The following NRG3 variants were observed in gnomAD, a reference collection of about 807,000 sequenced individuals.
NRG3 encodes the protein pro-neuregulin-3, membrane-bound isoform.
NRG3 carries 31 observed loss-of-function variants against 66.9 expected under a neutral mutation model. That is an observed-to-expected ratio of 0.46 (90% CI 0.35 to 0.63). The LOEUF (loss-of-function observed/expected upper bound fraction) is 0.63. Ranked by LOEUF, NRG3 falls within the 20% of genes least tolerant of loss-of-function variation. The probability of loss-of-function intolerance (pLI) is 0.00; values close to 1 mark genes in which losing one functional copy is unlikely to be tolerated. For missense variants in NRG3, 910 were observed against 878.9 expected (o/e 1.04, Z -0.45); for synonymous variants, 393 against 359.4 (o/e 1.09, Z -1.06).
chr10:82,879,639 A>AT (rs1214019150), intron 4 of NRG3, among the ~76,000 whole-genome samples: 5 of 151,730 alleles, frequency 3.3e-5, no homozygotes, highest in African/African-American at 7.3e-5. Flanking sequence ...CACCCGGCTA[A>AT]TTTTTTTCGT....
At chr10:82,387,573 T>C (rs1019663199) in intron 2 of NRG3, among the ~76,000 whole-genome samples, 5 of 152,162 alleles carry the variant, frequency 3.3e-5, no homozygotes, top group African/African-American at 1.2e-4. Context: ...AACATGTAAA[T>C]TTAATACTTT....
At chr10:82,216,817 A>G (rs2075713537) in intron 1 of NRG3, among the ~76,000 whole-genome samples, 1 of 152,140 alleles carries the variant, frequency 6.6e-6, no homozygotes. Flanking sequence ...TTGGAATCAC[A>G]TTACTTTTTA....
chr10:82,879,467 C>CTTTTTTTT (rs201614818), intron 4 of NRG3, among the ~76,000 whole-genome samples: 5 of 121,856 alleles, frequency 4.1e-5, no homozygotes, highest in African/African-American at 1.3e-4. Flanking sequence ...CTAATGAAGA[C>CTTTTTTTT]TTTTTTTTTT....
At chr10:81,948,169 T>C (rs1478030412) in intron 1 of NRG3, among the ~76,000 whole-genome samples, 1 of 152,186 alleles carries the variant, frequency 6.6e-6, no homozygotes, top group African/African-American at 2.4e-5. Flanking sequence ...TGAAAGTTGT[T>C]GTTTATGTTG....
chr10:82,588,833 C>T (rs2046826057), intron 2 of NRG3, among the ~76,000 whole-genome samples: 6 of 152,154 alleles, frequency 3.9e-5, no homozygotes, highest in Admixed American at 3.9e-4. Flanking sequence ...TACCCATCCT[C>T]AGGTATTTCT....
chr10:81,963,981 T>C (rs1230166264), intron 1 of NRG3, among the ~76,000 whole-genome samples: 1 of 152,200 alleles, frequency 6.6e-6, no homozygotes, highest in Non-Finnish European at 1.5e-5. Context: ...GCTGATTATT[T>C]TAATCGTACA....
Position 82,479,998 on chromosome 10 carries a change from A to C in NRG3, c.953+121130A>C, listed in dbSNP as rs563312901. ...CAAAAACAAAAACAAAAACAAACAAAAAAACCTTACCATTTAAAAAACGTG... is the reference window on the plus strand; with the variant it reads ...CAAAAACAAAAACAAAAACAAACAACAAAACCTTACCATTTAAAAAACGTG... On this transcript the variant is annotated intron_variant, in intron 2 of 8. Coordinates refer to ENST00000372141, the MANE Select transcript of NRG3 (RefSeq NM_001010848.4). Among the ~76,000 whole-genome samples, 4 of 152,264 alleles carry C rather than the reference A, an allele frequency of 2.6e-5. No individual in the cohort carries two copies. In the East Asian group the frequency reaches 7.7e-4, roughly 29 times the overall value.
intron 2 of NRG3, among the ~76,000 whole-genome samples, chr10:82,547,975 C>A (rs1281853550): frequency 6.9e-6 from 1 of 145,920 alleles, no homozygotes; most frequent in Non-Finnish European, 1.5e-5. Flanking sequence ...TAGTGTGGTA[C>A]AGGAAAGAAG....
chr10:82,391,959 T>C (rs1294235012), intron 2 of NRG3, among the ~76,000 whole-genome samples: 3 of 130,164 alleles, frequency 2.3e-5, no homozygotes, highest in Non-Finnish European at 3.1e-5. Context: ...TCATCAGTAG[T>C]GCTGCCAAAG....
At chr10:82,086,126 T>A (rs992242519) in intron 1 of NRG3, among the ~76,000 whole-genome samples, 2 of 149,984 alleles carry the variant, frequency 1.3e-5, no homozygotes, top group African/African-American at 4.9e-5. Flanking sequence ...CAAAAAAAAA[T>A]CTAACCTGAA....
At chr10:82,274,554 G>T (rs990365621) in intron 1 of NRG3, among the ~76,000 whole-genome samples, 3 of 151,978 alleles carry the variant, frequency 2.0e-5, no homozygotes, top group South Asian at 2.1e-4. Context: ...ATGATGAGAA[G>T]TGTAAGTTAC....
chr10:81,932,080 G>C (rs1847409574), intron 1 of NRG3, among the ~76,000 whole-genome samples: 1 of 152,088 alleles, frequency 6.6e-6, no homozygotes, highest in African/African-American at 2.4e-5. Flanking sequence ...CTTGGCTTCT[G>C]TGGAGGTCTC....
At chr10:82,158,705 T>C (rs939539447) in intron 1 of NRG3, among the ~76,000 whole-genome samples, 4 of 151,910 alleles carry the variant, frequency 2.6e-5, no homozygotes, top group African/African-American at 7.2e-5. Flanking sequence ...GCTTATGTAC[T>C]TTTTCTTCAC....
chr10:82,646,179 A>G (rs1371633749), intron 2 of NRG3, among the ~76,000 whole-genome samples: 1 of 152,150 alleles, frequency 6.6e-6, no homozygotes, highest in African/African-American at 2.4e-5. Flanking sequence ...TGACTCTATT[A>G]TGCCCTTTGA....
In NRG3 at chr10:82,161,422, A is replaced by C. The variant is rs77456251; in HGVS notation, c.824-197317A>C. 8.8e-3 allele frequency among the ~76,000 whole-genome samples: 1,343 copies of C among 152,230 alleles called. 10 individuals carry two copies. Among genetic ancestry groups the C allele is most frequent in the East Asian group, 0.047 (245 of 5,180 alleles). On this transcript the variant is annotated intron_variant, in intron 1 of 8. Coordinates refer to ENST00000372141, the MANE Select transcript of NRG3 (RefSeq NM_001010848.4). ...AATACAGAAGCACCGACTATGGGGC[A>C]AGTGGTCCATTAAATATATAAAGCA...
chr10:82,813,459 C>A (rs141642774), intron 3 of NRG3, among the ~76,000 whole-genome samples: 1,643 of 152,136 alleles, frequency 0.011, 29 homozygotes, highest in African/African-American at 0.034. Context: ...AGTGATCCAC[C>A]CGCCTCAGCC....
chr10:82,389,831 A>G (rs1048048918), intron 2 of NRG3, among the ~76,000 whole-genome samples: 1 of 152,204 alleles, frequency 6.6e-6, no homozygotes, highest in Admixed American at 6.5e-5. Context: ...ACACATGTAG[A>G]GTCTGACTTT....
chr10:82,466,370 C>G (rs1043764544), intron 2 of NRG3, among the ~76,000 whole-genome samples: 2 of 152,130 alleles, frequency 1.3e-5, no homozygotes, highest in African/African-American at 4.8e-5. Context: ...AAGCAATGCC[C>G]TAACCCCCTT....
intron 4 of NRG3, among the ~76,000 whole-genome samples, chr10:82,874,366 GA>G (rs1244428460): frequency 6.6e-6 from 1 of 150,848 alleles, no homozygotes; most frequent in Non-Finnish European, 1.5e-5. Context: ...TCTAGTTTGT[GA>G]ACTGGCGTTA....
Sources: gnomAD v4.1 joint callset for allele counts (sites outside exome capture counted in the v4.1 genomes callset) on GRCh38, gnomAD v4.1.1 for gene constraint, MANE v1.5 for transcripts, NCBI Gene and HGNC (gene_info 2026-07-23, HGNC 2026-07-21) for gene names.